CRIM1: variants seen among roughly 807,000 people sequenced by gnomAD.
CRIM1 encodes the protein cysteine-rich motor neuron 1 protein.
Under a neutral mutation model 116.4 loss-of-function variants are expected in CRIM1, and 32 were observed. The ratio of observed to expected loss-of-function variants is 0.27; its 90% CI spans 0.21 to 0.37. The LOEUF (loss-of-function observed/expected upper bound fraction) is 0.37, where lower values mean the gene tolerates loss of function less well. CRIM1 is among the 10% of genes least tolerant of loss of function. The pLI is 1.00. For missense variants in CRIM1, 1,331 were observed against 1,354.8 expected (o/e 0.98, Z 0.28); for synonymous variants, 590 against 509.2 (o/e 1.16, Z -2.13).
intron 7 of CRIM1, among the ~76,000 whole-genome samples, chr2:36,480,882 AT>A (rs1175528873): frequency 3.3e-5 from 5 of 152,092 alleles, no homozygotes; most frequent in African/African-American, 1.2e-4. Context: ...TAAAGGCAGC[AT>A]TTCAGTGCTG....
At chr2:36,500,813 A>G (rs1292434218) in intron 8 of CRIM1, among the ~76,000 whole-genome samples, 2 of 152,216 alleles carry the variant, frequency 1.3e-5, no homozygotes, top group Non-Finnish European at 2.9e-5. Flanking sequence ...CTGACAACAT[A>G]TATCTCCACA....
chr2:36,514,701 G>C (rs896543064), intron 11 of CRIM1, among the ~76,000 whole-genome samples: 2 of 148,650 alleles, frequency 1.3e-5, no homozygotes, highest in Non-Finnish European at 3.0e-5. Context: ...CTGTGCGTGA[G>C]TCCACCTGTG....
intron 8 of CRIM1, among the ~76,000 whole-genome samples, chr2:36,503,870 A>G (rs757070096): frequency 3.3e-5 from 5 of 151,776 alleles, no homozygotes; most frequent in Non-Finnish European, 5.9e-5. Context: ...AGTTTCCATT[A>G]GCTTCTAGAT....
intron 4 of CRIM1, among the ~76,000 whole-genome samples, chr2:36,448,073 C>T (rs1035770056): frequency 6.6e-6 from 1 of 152,226 alleles, no homozygotes; most frequent in Non-Finnish European, 1.5e-5. Flanking sequence ...TTATTTTTAA[C>T]CTTCCGCTTC....
intron 1 of CRIM1, among the ~76,000 whole-genome samples, chr2:36,382,309 G>A (rs1007574518): frequency 6.6e-6 from 1 of 152,212 alleles, no homozygotes; most frequent in Non-Finnish European, 1.5e-5. Context: ...GGCAGAGTCT[G>A]TTTCTGAAAC....
intron 1 of CRIM1, among the ~76,000 whole-genome samples, chr2:36,380,151 T>C (rs573530557): frequency 1.3e-5 from 2 of 152,326 alleles, no homozygotes; most frequent in South Asian, 4.1e-4. Context: ...GAGTCTGCGT[T>C]TATCAGTCAG....
Position 36,447,198 on chromosome 2 carries a change from A to G in CRIM1, c.869+4463A>G, listed in dbSNP as rs548548369. On this transcript the variant is annotated intron_variant, in intron 4 of 16. Coordinates refer to ENST00000280527, the MANE Select transcript of CRIM1 (RefSeq NM_016441.3). ...GAAAATCACAAATTTTCCTTGGTAC[A>G]AGAGACAGAGCAGGTTCAAGGCTTC... Among the ~76,000 whole-genome samples the G allele has an allele frequency of 3.5e-4, 53 of 152,336 alleles. 1 individual carries two copies. The highest frequency in any genetic ancestry group is 1.3e-3 in the African/African-American group (52 of 41,586).
At chr2:36,387,035 T>G (rs1671218528) in intron 1 of CRIM1, among the ~76,000 whole-genome samples, 1 of 152,218 alleles carries the variant, frequency 6.6e-6, no homozygotes, top group Non-Finnish European at 1.5e-5. Flanking sequence ...AAACTGGCTT[T>G]GTGTTATTCC....
At chr2:36,464,178 A>T (rs1677807560) in intron 4 of CRIM1, among the ~76,000 whole-genome samples, 1 of 152,260 alleles carries the variant, frequency 6.6e-6, no homozygotes. Context: ...ATCGATTCAC[A>T]GAAGAGCATA....
intron 1 of CRIM1, among the ~76,000 whole-genome samples, chr2:36,382,229 G>A (rs1426241603): frequency 6.6e-6 from 1 of 152,198 alleles, no homozygotes; most frequent in African/African-American, 2.4e-5. Flanking sequence ...GCGCGTGTTG[G>A]CAAGCCAGCT....
At chr2:36,375,017 T>C (rs1354308469) in intron 1 of CRIM1, among the ~76,000 whole-genome samples, 1 of 152,046 alleles carries the variant, frequency 6.6e-6, no homozygotes, top group African/African-American at 2.4e-5. Flanking sequence ...TTTTGTAGCA[T>C]ATTATTATAT....
At chr2:36,374,810 AC>A (rs1217117227) in intron 1 of CRIM1, among the ~76,000 whole-genome samples, 1 of 151,274 alleles carries the variant, frequency 6.6e-6, no homozygotes, top group Non-Finnish European at 1.5e-5. Flanking sequence ...ACCACTCACT[AC>A]CTGTGCATCT....
In CRIM1 at chr2:36,356,765, G is replaced by T; in HGVS notation, c.331+142G>T. On this transcript the variant is annotated intron_variant, in intron 1 of 16. Transcript: ENST00000280527. The surrounding 1 kb of genome is among the most constrained non-coding windows in gnomAD (Gnocchi z 4.3). The stretch of plus-strand genomic sequence containing the variant: ...AGGGGCGGCCGCCGCCCCCAGGAGA[G>T]TGCCCCCGCGGCCCTGCGTTCCCTC... The T allele has an allele frequency of 1.3e-6, 1 of 782,686 alleles. No homozygotes were observed. The highest frequency in any genetic ancestry group is 1.8e-5 in the South Asian group (1 of 54,408). The allele number at this position is 782,686 out of a possible 1,614,324, so 48.5% of individuals were successfully genotyped here.
In CRIM1 at chr2:36,400,968, G is replaced by A. The variant is rs1370642156; in HGVS notation, c.505+4181G>A. On this transcript the variant is annotated intron_variant, in intron 2 of 16. Coordinates refer to ENST00000280527, the MANE Select transcript of CRIM1 (RefSeq NM_016441.3). ...GAGTAGTTTATAGTATTAAGGGTGT[G>A]CAGTGGTGGGGATAGGGCAAGCAGA... 2.0e-5 allele frequency among the ~76,000 whole-genome samples: 3 copies of A among 152,218 alleles called. No individual in the cohort carries two copies. The South Asian group carries it at 6.2e-4, about 32-fold the overall frequency.
intron 2 of CRIM1, among the ~76,000 whole-genome samples, chr2:36,429,634 G>A (rs1322581870): frequency 6.6e-6 from 1 of 152,166 alleles, no homozygotes; most frequent in African/African-American, 2.4e-5. Flanking sequence ...GAGAGAAGAT[G>A]GTGGAGCTTA....
intron 13 of CRIM1, chr2:36,529,552 G>A (rs1337625271): frequency 5.5e-6 from 1 of 182,656 alleles, no homozygotes; most frequent in Non-Finnish European, 1.2e-5. Flanking sequence ...ATCTTGGATT[G>A]TAGGCCCTAC....
rs1283137516 is a variant in CRIM1, at chr2:36,355,927, C to T, written c.-366C>T. The T allele has an allele frequency of 6.6e-6, 1 of 151,716 alleles. No homozygotes were observed. Among genetic ancestry groups the T allele is most frequent in the Non-Finnish European group, 1.5e-5 (1 of 67,914 alleles). 9.4% of individuals were successfully genotyped at this position (151,716 alleles called of 1,614,324 possible). On this transcript the variant is annotated 5_prime_UTR_variant, in exon 1 of 17. Coordinates refer to ENST00000280527, the MANE Select transcript of CRIM1 (RefSeq NM_016441.3). ...CTCGGAGGAGGAGAGGGAGGAGGCGCCGCCGGCCCGGGCTGGAGCCGAGCG... is the reference window on the plus strand; with the variant it reads ...CTCGGAGGAGGAGAGGGAGGAGGCGTCGCCGGCCCGGGCTGGAGCCGAGCG...
chr2:36,364,379 A>G (rs1558501327), intron 1 of CRIM1, among the ~76,000 whole-genome samples: 2 of 152,236 alleles, frequency 1.3e-5, no homozygotes, highest in Non-Finnish European at 1.5e-5. Flanking sequence ...TAAATAAGAT[A>G]TGGTCCTTGT....
In CRIM1 at chr2:36,399,688, C is replaced by T. The variant is rs76880286; in HGVS notation, c.505+2901C>T. ...TACTACAGCATGTTTGGATCATGAC[C>T]GGAATGATTTAGTAAGAAGGAAAAG... On this transcript the variant is annotated intron_variant, in intron 2 of 16. Coordinates refer to ENST00000280527, the MANE Select transcript of CRIM1 (RefSeq NM_016441.3). Among the ~76,000 whole-genome samples the T allele has an allele frequency of 6.7e-3, 1,024 of 152,106 alleles. 2 individuals are homozygous for T. The highest frequency in any genetic ancestry group is 9.1e-3 in the Non-Finnish European group (622 of 67,992).
Sources: allele counts gnomAD v4.1 joint callset (sites outside exome capture counted in the v4.1 genomes callset), GRCh38; gene constraint gnomAD v4.1.1; non-coding constraint Gnocchi (gnomAD v3.1); transcripts MANE v1.5; gene names NCBI Gene and HGNC (gene_info 2026-07-23, HGNC 2026-07-21).